Variants in PVT1 observed in about 807,000 individuals in gnomAD.
The protein encoded by PVT1 is Pvt1 oncogene, also known as CXCR4/PVT1 fusion.
At position 127,905,403 on chromosome 8, in the gene PVT1, C is replaced by T. The variant is rs546357912; in HGVS notation, n.782+14405C>T. Among the ~76,000 whole-genome samples the T allele has an allele frequency of 3.9e-5, 6 of 152,332 alleles. No homozygotes were observed. The South Asian group carries it at 1.2e-3, about 32-fold the overall frequency. On this transcript the variant is annotated intron_variant and non_coding_transcript_variant, in intron 3 of 10. Transcript: ENST00000651587. The stretch of plus-strand genomic sequence containing the variant: ...CCTGGGGGTTATGTCCACGGGGAGC[C>T]TCACATGAAGAAGAGAATTTCCTTT...
At chr8:127,875,363 GTCTCTCTC>G (rs139309505) in intron 2 of PVT1, among the ~76,000 whole-genome samples, 6 of 149,614 alleles carry the variant, frequency 4.0e-5, no homozygotes, top group Admixed American at 1.3e-4. Context: ...CTCTGTCTCT[GTCTCTCTC>G]TCTCTCTCTC....
intron 2 of PVT1, among the ~76,000 whole-genome samples, chr8:127,867,460 G>C (rs1197370225): frequency 6.6e-6 from 1 of 152,224 alleles, no homozygotes; most frequent in Non-Finnish European, 1.5e-5. Flanking sequence ...TGGCCAGCTT[G>C]CTGACACCTG....
At chr8:127,801,760 A>C (rs933011986) in intron 2 of PVT1, among the ~76,000 whole-genome samples, 1 of 152,114 alleles carries the variant, frequency 6.6e-6, no homozygotes, top group Non-Finnish European at 1.5e-5. Context: ...CCAGCATCTT[A>C]AACTGTGCTC....
chr8:127,968,754 G>T (rs758322695), intron 3 of PVT1, among the ~76,000 whole-genome samples: 34 of 152,164 alleles, frequency 2.2e-4, no homozygotes, highest in Non-Finnish European at 4.0e-4. Flanking sequence ...TTGGGGTATG[G>T]TGAGCTCTTA....
intron 2 of PVT1, among the ~76,000 whole-genome samples, chr8:127,869,331 A>C (rs1815326544): frequency 6.6e-6 from 1 of 151,860 alleles, no homozygotes; most frequent in Non-Finnish European, 1.5e-5. Context: ...GAGTTTCATC[A>C]TGTTGCCCAG....
intron 2 of PVT1, among the ~76,000 whole-genome samples, chr8:127,865,625 A>G (rs1389907096): frequency 6.6e-6 from 1 of 152,250 alleles, no homozygotes; most frequent in Non-Finnish European, 1.5e-5. Flanking sequence ...AAGGCAAGGA[A>G]ATAGGAACTC....
At chr8:127,951,516 G>A (rs1289349605) in intron 3 of PVT1, among the ~76,000 whole-genome samples, 2 of 152,142 alleles carry the variant, frequency 1.3e-5, no homozygotes, top group Non-Finnish European at 2.9e-5. Context: ...ATCACAGAAA[G>A]GTCTTGAGAT....
At chr8:127,903,928 G>A (rs922861805) in intron 3 of PVT1, among the ~76,000 whole-genome samples, 1 of 152,100 alleles carries the variant, frequency 6.6e-6, no homozygotes, top group Non-Finnish European at 1.5e-5. Context: ...GGTTCCATGT[G>A]AATTTTAGAA....
chr8:127,867,801 C>T lies in PVT1; in HGVS notation n.373-22788C>T, dbSNP rs145737501. On this transcript the variant is annotated intron_variant and non_coding_transcript_variant, in intron 2 of 10. Coordinates refer to ENST00000651587, the Ensembl canonical transcript of PVT1. ...GATGTCATCCTTTATGGAGCATCTC[C>T]GGATGAAAATGTCCCAGAGGCCCTA... Among the ~76,000 whole-genome samples, 814 of 152,192 alleles carry T rather than the reference C, an allele frequency of 5.3e-3. 6 individuals are homozygous for T. The highest frequency in any genetic ancestry group is 0.018 in the African/African-American group (766 of 41,520).
chr8:127,955,507 G>T (rs989169272), intron 3 of PVT1, among the ~76,000 whole-genome samples: 3 of 152,052 alleles, frequency 2.0e-5, no homozygotes, highest in Non-Finnish European at 4.4e-5. Context: ...TAGCTTCATG[G>T]TAGTTCAGGT....
Position 128,059,994 on chromosome 8 carries a change from T to C in PVT1, n.913-10166T>C, listed in dbSNP as rs576081454. ...TTTAGAGGCTGGGCGTGGTGGCTCA[T>C]GCCTGTAATCCTAGCACTTTGGGAG... On this transcript the variant is annotated intron_variant and non_coding_transcript_variant, in intron 4 of 10. Coordinates refer to ENST00000651587, the Ensembl canonical transcript of PVT1. Among the ~76,000 whole-genome samples, 11 of 152,250 alleles carry C rather than the reference T, an allele frequency of 7.2e-5. No individual in the cohort carries two copies. The South Asian group carries it at 1.5e-3, about 20-fold the overall frequency.
At chr8:127,833,317 G>T (rs1448943263) in intron 2 of PVT1, among the ~76,000 whole-genome samples, 1 of 152,202 alleles carries the variant, frequency 6.6e-6, no homozygotes, top group Non-Finnish European at 1.5e-5. Flanking sequence ...CTGTGGAACT[G>T]GAATGTGGCT....
intron 2 of PVT1, among the ~76,000 whole-genome samples, chr8:127,820,772 C>T (rs981928884): frequency 6.6e-6 from 1 of 151,838 alleles, no homozygotes; most frequent in East Asian, 1.9e-4. Flanking sequence ...TGCAGTGGCG[C>T]GATCTTGGCT....
chr8:127,955,406 G>T (rs954569818), intron 3 of PVT1, among the ~76,000 whole-genome samples: 1 of 152,136 alleles, frequency 6.6e-6, no homozygotes, highest in African/African-American at 2.4e-5. Context: ...AATATACCGT[G>T]TGTCTGGGGC....
chr8:127,950,642 G>T (rs1427057684), intron 3 of PVT1, among the ~76,000 whole-genome samples: 1 of 152,232 alleles, frequency 6.6e-6, no homozygotes, highest in Non-Finnish European at 1.5e-5. Flanking sequence ...TTAGGAGACA[G>T]ATGTGTCACC....
intron 4 of PVT1, among the ~76,000 whole-genome samples, chr8:128,044,386 A>G (rs1813587176): frequency 6.6e-6 from 1 of 152,198 alleles, no homozygotes; most frequent in Admixed American, 6.5e-5. Context: ...TATTCCCTGG[A>G]AAATGGTAAG....
chr8:127,802,126 G>A (rs1814472070), intron 2 of PVT1, among the ~76,000 whole-genome samples: 1 of 152,080 alleles, frequency 6.6e-6, no homozygotes, highest in Non-Finnish European at 1.5e-5. Context: ...TGTTGGCCAG[G>A]CTGGTCTTGA....
intron 4 of PVT1, among the ~76,000 whole-genome samples, chr8:127,995,462 C>T (rs1275933122): frequency 1.3e-5 from 2 of 152,228 alleles, no homozygotes; most frequent in Admixed American, 6.5e-5. Context: ...ATACACCCCC[C>T]ACATTATAGG....
intron 2 of PVT1, among the ~76,000 whole-genome samples, chr8:127,876,035 CT>C (rs1815401481): frequency 6.6e-6 from 1 of 152,240 alleles, no homozygotes; most frequent in South Asian, 2.1e-4. Context: ...TCCACCCCCC[CT>C]CACCCTCAGC....
Sources: allele counts gnomAD v4.1 joint callset (sites outside exome capture counted in the v4.1 genomes callset), GRCh38; gene constraint gnomAD v4.1.1; transcripts MANE v1.5; gene names NCBI Gene and HGNC (gene_info 2026-07-23, HGNC 2026-07-21).